Variants in C12orf42 observed in about 807,000 individuals in gnomAD.
The protein encoded by C12orf42 is chromosome 12 open reading frame 42.
Under a neutral mutation model 21.6 loss-of-function variants are expected in C12orf42, and 25 were observed. That is an observed-to-expected ratio of 1.16 (90% confidence interval 0.84 to 1.62). The LOEUF is 1.62. Ranked by LOEUF, C12orf42 falls within the 40% of genes most tolerant of loss-of-function variation. The pLI is 0.00. For missense variants in C12orf42, 483 were observed against 459.3 expected (o/e 1.05, Z -0.47); for synonymous variants, 174 against 175.0 (o/e 0.99, Z 0.05).
chr12:103,220,254 C>T, the C12orf42 span, among the ~76,000 whole-genome samples: 2 of 151,952 alleles, frequency 1.3e-5, no homozygotes, highest in Non-Finnish European at 1.5e-5. Context: ...ACACCAGGGC[C>T]TCTCAGGGGG....
At chr12:103,317,705 T>A (rs1232403412) in intron 4 of C12orf42, among the ~76,000 whole-genome samples, 1 of 152,168 alleles carries the variant, frequency 6.6e-6, no homozygotes, top group Non-Finnish European at 1.5e-5. Flanking sequence ...TAGTTTTTTT[T>A]AACTACACTG....
At chr12:103,478,246 T>C (rs1049260635) in intron 2 of C12orf42, 103 bp downstream of exon 2, 3 of 700,282 alleles carry the variant, frequency 4.3e-6, no homozygotes, top group Non-Finnish European at 7.2e-6. Context: ...ATCTAAAATA[T>C]AATATCAATG....
At position 103,256,606 on chromosome 12, in the gene C12orf42, T is replaced by G. The variant is rs140010267; in HGVS notation, c.*1366+6720A>C. ...AAACTGAAAATAGATTTTTCTCTCCTAATACCAAGTGAGTTGAAAGAGCAT... is the reference window on the plus strand; with the variant it reads ...AAACTGAAAATAGATTTTTCTCTCCGAATACCAAGTGAGTTGAAAGAGCAT... On this transcript the variant is annotated intron_variant and NMD_transcript_variant, in intron 10 of 10. Transcript: ENST00000547347. 3.1e-3 allele frequency among the ~76,000 whole-genome samples: 476 copies of G among 152,288 alleles called. 5 individuals carry two copies. The highest frequency in any genetic ancestry group is 0.011 in the African/African-American group (453 of 41,556).
chr12:103,399,043 C>G (rs2138638031), intron 3 of C12orf42, among the ~76,000 whole-genome samples: 1 of 152,102 alleles, frequency 6.6e-6, no homozygotes. Flanking sequence ...TTTGGGCACC[C>G]TCTTTTGTAT....
the C12orf42 span, among the ~76,000 whole-genome samples, chr12:103,169,241 T>C: frequency 2.0e-5 from 3 of 151,840 alleles, no homozygotes; most frequent in East Asian, 5.8e-4. Flanking sequence ...TCGTGCACTA[T>C]GTAAATGGAA....
At chr12:103,336,243 G>A (rs1422050712) in intron 4 of C12orf42, among the ~76,000 whole-genome samples, 1 of 152,158 alleles carries the variant, frequency 6.6e-6, no homozygotes, top group Non-Finnish European at 1.5e-5. Flanking sequence ...GCTATCACTG[G>A]CCTATATTTA....
chr12:103,269,261 A>G (rs534400912), intron 6 of C12orf42, among the ~76,000 whole-genome samples: 1 of 152,284 alleles, frequency 6.6e-6, no homozygotes, highest in Non-Finnish European at 1.5e-5. Context: ...GGAGCTGTTC[A>G]GAGGAAGGAA....
At chr12:103,282,051 C>A (rs564855945) in intron 4 of C12orf42, among the ~76,000 whole-genome samples, 2 of 152,190 alleles carry the variant, frequency 1.3e-5, no homozygotes, top group South Asian at 2.1e-4. Context: ...TTATATGAAC[C>A]AATAACCTTT....
At chr12:103,497,417 A>G (rs1481181324), upstream of C12orf42, among the ~76,000 whole-genome samples, 2 of 152,216 alleles carry the variant, frequency 1.3e-5, no homozygotes. Context: ...GCTGAGTCCA[A>G]CCCTCCTATC....
chr12:103,516,057 G>A, the C12orf42 span, among the ~76,000 whole-genome samples: 1 of 152,142 alleles, frequency 6.6e-6, no homozygotes, highest in Admixed American at 6.6e-5. Context: ...ACAAAAATTG[G>A]ATATACTTCT....
the C12orf42 span, among the ~76,000 whole-genome samples, chr12:103,094,167 T>C: frequency 1.3e-5 from 2 of 152,222 alleles, no homozygotes; most frequent in Admixed American, 1.3e-4. Flanking sequence ...CCATCTTACT[T>C]ATGCCATTAC....
At chr12:103,212,614 T>C in the C12orf42 span, among the ~76,000 whole-genome samples, 1 of 152,228 alleles carries the variant, frequency 6.6e-6, no homozygotes, top group South Asian at 2.1e-4. Context: ...TGTTTGTCTC[T>C]CTTTTTGTGA....
the C12orf42 span, among the ~76,000 whole-genome samples, chr12:103,072,806 T>C: frequency 1.3e-5 from 2 of 152,196 alleles, no homozygotes; most frequent in East Asian, 1.9e-4. Flanking sequence ...TCTTTCTGAC[T>C]GGTGTGAGAG....
chr12:103,535,712 G>C, the C12orf42 span, among the ~76,000 whole-genome samples: 2 of 152,190 alleles, frequency 1.3e-5, no homozygotes, highest in Non-Finnish European at 2.9e-5. Flanking sequence ...ATCTAGGCAA[G>C]ACATGTTGAG....
At chr12:103,131,001 T>C in the C12orf42 span, among the ~76,000 whole-genome samples, 12,128 of 152,306 alleles carry the variant, frequency 0.08, 709 homozygotes, top group Admixed American at 0.17. Flanking sequence ...AATTTCTCTG[T>C]ACTGACAATT....
chr12:103,346,185 T>A (rs2042607923), intron 4 of C12orf42, among the ~76,000 whole-genome samples: 1 of 152,196 alleles, frequency 6.6e-6, no homozygotes, highest in South Asian at 2.1e-4. Flanking sequence ...GTTTTGACTG[T>A]AATCACTTTC....
At chr12:103,205,569 G>T in the C12orf42 span, among the ~76,000 whole-genome samples, 5 of 152,238 alleles carry the variant, frequency 3.3e-5, no homozygotes, top group African/African-American at 1.2e-4. Context: ...ATGAGATTTG[G>T]GTGGGGGCAC....
the C12orf42 span, among the ~76,000 whole-genome samples, chr12:103,146,720 A>G: frequency 5.3e-5 from 8 of 152,202 alleles, no homozygotes; most frequent in African/African-American, 1.7e-4. Context: ...CTTTTTAACA[A>G]TTGAAAACAA....
intron 2 of C12orf42, among the ~76,000 whole-genome samples, chr12:103,449,655 G>A (rs1253758013): frequency 4.6e-5 from 7 of 150,816 alleles, no homozygotes; most frequent in South Asian, 2.1e-4. Flanking sequence ...CTCTATAATC[G>A]TGTTTTAATT....
Sources: allele counts gnomAD v4.1 joint callset (sites outside exome capture counted in the v4.1 genomes callset), GRCh38; gene constraint gnomAD v4.1.1; transcripts MANE v1.5; gene names NCBI Gene and HGNC (gene_info 2026-07-23, HGNC 2026-07-21).